Variants in DAB1 observed in about 807,000 individuals in gnomAD.
The protein encoded by DAB1 is DAB adaptor protein 1, also known as disabled homolog 1.
A neutral mutation model predicts 64.6 loss-of-function variants in DAB1; 15 were observed. That is an observed-to-expected ratio of 0.23 (90% CI 0.16 to 0.36). DAB1 has a LOEUF of 0.36. Among genes scored for constraint, DAB1 ranks in the 10% least tolerant of loss-of-function variants. The probability of loss-of-function intolerance (pLI) is 1.00; values close to 1 mark genes in which losing one functional copy is unlikely to be tolerated. For missense variants in DAB1, 596 were observed against 706.7 expected (o/e 0.84, Z 1.78); for synonymous variants, 235 against 251.9 (o/e 0.93, Z 0.64).
intron 3 of DAB1, among the ~76,000 whole-genome samples, chr1:58,374,379 G>A (rs1358258556): frequency 1.5e-3 from 204 of 136,362 alleles, no homozygotes; most frequent in Non-Finnish European, 2.4e-3. Flanking sequence ...AAGGGATCCA[G>A]TTTCAGCTTT....
intron 4 of DAB1, among the ~76,000 whole-genome samples, chr1:58,248,341 A>G (rs529447274): frequency 6.6e-6 from 1 of 152,294 alleles, no homozygotes; most frequent in South Asian, 2.1e-4. Context: ...GAAAAAGAAA[A>G]AGCCATAAAA....
At position 57,062,805 on chromosome 1, in the gene DAB1, T is replaced by C. The variant is rs1397376524; in HGVS notation, c.723+79A>G. The C allele has an allele frequency of 4.1e-6, 5 of 1,219,448 alleles. No homozygotes were observed. In the East Asian group the frequency reaches 7.1e-5, roughly 17 times the overall value. 75.5% of individuals were successfully genotyped at this position (1,219,448 alleles called of 1,614,324 possible). A position where few individuals can be genotyped will look rare whatever the true frequency, so the allele number is the denominator to read the frequency against. On this transcript the variant is annotated intron_variant, in intron 9 of 14. Coordinates refer to ENST00000371236, the MANE Select transcript of DAB1 (RefSeq NM_001365792.1). ...CATGACACTCATTCCAGGAGAAGGG[T>C]TTCCTTCCGCAGGCTGTAGACAGCC...
intron 6 of DAB1, among the ~76,000 whole-genome samples, chr1:57,725,547 G>T (rs1411655975): frequency 6.6e-6 from 1 of 152,124 alleles, no homozygotes; most frequent in Non-Finnish European, 1.5e-5. Context: ...TAATCAGCAG[G>T]TGTTTCTGAT....
intron 9 of DAB1, among the ~76,000 whole-genome samples, chr1:57,051,766 C>T (rs3820578): frequency 0.34 from 52,122 of 151,908 alleles, 9,769 homozygotes; most frequent in Middle Eastern, 0.47. Flanking sequence ...TAGACATGTG[C>T]ATGCCTGCTT....
At chr1:58,486,024 A>G (rs1317639048) in intron 3 of DAB1, among the ~76,000 whole-genome samples, 1 of 152,228 alleles carries the variant, frequency 6.6e-6, no homozygotes, top group Non-Finnish European at 1.5e-5. Context: ...GACTACAACT[A>G]TGAGTGAAAG....
chr1:57,776,610 A>G (rs1447113400), intron 6 of DAB1, among the ~76,000 whole-genome samples: 2 of 151,498 alleles, frequency 1.3e-5, no homozygotes, highest in Non-Finnish European at 3.0e-5. Context: ...TTTATTATTT[A>G]TATATTTGGT....
chr1:57,246,671 T>G (rs1668902401), intron 2 of DAB1, among the ~76,000 whole-genome samples: 1 of 152,142 alleles, frequency 6.6e-6, no homozygotes, highest in Non-Finnish European at 1.5e-5. Flanking sequence ...ACAGCTTGCA[T>G]GTGTACCTGG....
chr1:57,490,173 A>G (rs1166234709), intron 7 of DAB1, among the ~76,000 whole-genome samples: 1 of 152,208 alleles, frequency 6.6e-6, no homozygotes, highest in African/African-American at 2.4e-5. Context: ...TCTGTTGCTA[A>G]TAAGCCACAG....
At chr1:58,238,067 T>A (rs1403318831) in intron 4 of DAB1, among the ~76,000 whole-genome samples, 1 of 152,210 alleles carries the variant, frequency 6.6e-6, no homozygotes, top group African/African-American at 2.4e-5. Context: ...CAGTACCCCG[T>A]AATTCATTAT....
At chr1:57,007,262 C>T (rs1051540053) in intron 14 of DAB1, among the ~76,000 whole-genome samples, 1 of 152,204 alleles carries the variant, frequency 6.6e-6, no homozygotes, top group East Asian at 1.9e-4. Flanking sequence ...AGATGCTACT[C>T]TGACTTGACA....
intron 4 of DAB1, among the ~76,000 whole-genome samples, chr1:58,342,459 T>C (rs1169300314): frequency 6.6e-6 from 1 of 152,180 alleles, no homozygotes; most frequent in Non-Finnish European, 1.5e-5. Context: ...AATCAATAAT[T>C]AGGGTCTGAG....
intron 5 of DAB1, among the ~76,000 whole-genome samples, chr1:58,049,626 C>A (rs1647496451): frequency 6.6e-6 from 1 of 152,116 alleles, no homozygotes; most frequent in South Asian, 2.1e-4. Context: ...TGGATCCAGA[C>A]TTAGATTTGA....
At chr1:58,096,124 C>T (rs868753680) in intron 5 of DAB1, among the ~76,000 whole-genome samples, 1 of 152,148 alleles carries the variant, frequency 6.6e-6, no homozygotes, top group African/African-American at 2.4e-5. Context: ...AATATTACGA[C>T]TTTAAAAAGA....
At chr1:57,746,951 T>C (rs112640189) in intron 6 of DAB1, among the ~76,000 whole-genome samples, 6 of 152,318 alleles carry the variant, frequency 3.9e-5, no homozygotes, top group African/African-American at 1.4e-4. Flanking sequence ...GATGAAAATA[T>C]TTTCAAGTGG....
intron 5 of DAB1, among the ~76,000 whole-genome samples, chr1:57,962,240 T>G (rs1645541907): frequency 6.6e-6 from 1 of 152,174 alleles, no homozygotes; most frequent in Admixed American, 6.5e-5. Context: ...GAATTCTGAC[T>G]GTGATAGCAC....
chr1:58,305,637 A>G (rs545700415), intron 4 of DAB1, among the ~76,000 whole-genome samples: 3 of 152,354 alleles, frequency 2.0e-5, no homozygotes, highest in African/African-American at 7.2e-5. Flanking sequence ...AGATCAAAGC[A>G]TATGAATATT....
At chr1:58,347,977 C>G (rs931285418) in intron 3 of DAB1, among the ~76,000 whole-genome samples, 4 of 152,128 alleles carry the variant, frequency 2.6e-5, no homozygotes, top group Non-Finnish European at 4.4e-5. Context: ...TCCAAGGGTC[C>G]AGCTCTCACC....
intron 2 of DAB1, among the ~76,000 whole-genome samples, chr1:57,232,545 C>T (rs1667764177): frequency 6.6e-6 from 1 of 152,104 alleles, no homozygotes. Context: ...TGAGCTCTAA[C>T]AGACTAAATG....
rs1420770736 is a variant in DAB1, at chr1:57,160,312, G to T, written c.68-14883C>A. On this transcript the variant is annotated intron_variant, in intron 2 of 14. Coordinates refer to ENST00000371236, the MANE Select transcript of DAB1 (RefSeq NM_001365792.1). ...TCCTCACAGCCACCTAGCATGACAT[G>T]CATTATTAATCCCTTCTTATAGTTG... 7.2e-5 allele frequency among the ~76,000 whole-genome samples: 11 copies of T among 152,168 alleles called. No individual in the cohort carries two copies. In the East Asian group the frequency reaches 2.1e-3, roughly 29 times the overall value.
Sources: gnomAD v4.1 joint callset for allele counts (sites outside exome capture counted in the v4.1 genomes callset) on GRCh38, gnomAD v4.1.1 for gene constraint, MANE v1.5 for transcripts, NCBI Gene and HGNC (gene_info 2026-07-23, HGNC 2026-07-21) for gene names.